Variants in SERINC5 observed in about 807,000 individuals in gnomAD.
The protein encoded by SERINC5 is chromosome 5 open reading frame 12.
SERINC5 carries 41 observed loss-of-function variants against 63.1 expected under a neutral mutation model. That is an observed-to-expected ratio of 0.65 (90% CI 0.51 to 0.84). SERINC5 has a LOEUF of 0.84. Ranked by LOEUF, SERINC5 falls within the 40% of genes least tolerant of loss-of-function variation. SERINC5 has a pLI of 0.00. For synonymous variants in SERINC5, 222 were observed against 215.2 expected (o/e 1.03, Z -0.28); for missense variants, 523 against 573.0 (o/e 0.91, Z 0.89).
chr5:80,120,743 A>G (rs780382877), intron 11 of SERINC5, among the ~76,000 whole-genome samples: 4 of 152,094 alleles, frequency 2.6e-5, no homozygotes, highest in Non-Finnish European at 4.4e-5. Context: ...TGAACCCAGG[A>G]GGCAGAGGTT....
chr5:80,184,305 T>C (rs1260410827), intron 2 of SERINC5, among the ~76,000 whole-genome samples: 1 of 152,142 alleles, frequency 6.6e-6, no homozygotes, highest in African/African-American at 2.4e-5. Flanking sequence ...CCATAACACA[T>C]GCACATTAGC....
intron 9 of SERINC5, among the ~76,000 whole-genome samples, chr5:80,148,036 G>A (rs973646004): frequency 3.3e-5 from 5 of 152,036 alleles, no homozygotes; most frequent in African/African-American, 7.2e-5. Context: ...GGAGCTTGGC[G>A]AAGCTGGTAG....
Position 80,177,973 on chromosome 5 carries a change from A to C in SERINC5, c.287T>G (p.Phe96Cys). 6.2e-7 allele frequency: 1 copy of C among 1,612,832 alleles called. No individual in the cohort carries two copies. Among genetic ancestry groups the C allele is most frequent in the South Asian group, 1.1e-5 (1 of 90,768 alleles). The change falls in exon 3 of 12, where the codon TTT becomes TGT. Residue 96 changes from phenylalanine to cysteine, a missense_variant. By Grantham distance (205) the Phe-to-Cys change is radical. Transcript: ENST00000507668. The part of the protein sequence containing the change: ...VGYSAVYRVC[F>C]GMACFFFIFC... ...GATAAAGAAGAAACAAGCCATTCCA[A>C]AACAGACTCTATACACGGCAGAATA...
intron 7 of SERINC5, among the ~76,000 whole-genome samples, chr5:80,162,182 G>C (rs1199254650): frequency 6.6e-6 from 1 of 151,892 alleles, no homozygotes; most frequent in Non-Finnish European, 1.5e-5. Flanking sequence ...TTTTTGCTTA[G>C]GATTGCTTTA....
At chr5:80,177,814 G>T in intron 3 of SERINC5, 72 bp downstream of exon 3, 3 of 1,198,170 alleles carry the variant, frequency 2.5e-6, no homozygotes, top group Non-Finnish European at 3.5e-6. Context: ...CTGGTGGGCA[G>T]ATGGGATCCT....
intron 1 of SERINC5, among the ~76,000 whole-genome samples, chr5:80,211,587 T>C (rs1256331784): frequency 2.0e-4 from 31 of 152,212 alleles, no homozygotes; most frequent in Non-Finnish European, 4.4e-5. Flanking sequence ...GTCTATAAAC[T>C]GCGGGCTGAA....
At chr5:80,179,386 A>G (rs569024534) in intron 2 of SERINC5, among the ~76,000 whole-genome samples, 2 of 152,340 alleles carry the variant, frequency 1.3e-5, no homozygotes, top group Non-Finnish European at 1.5e-5. Context: ...TTTCATCACT[A>G]TCTTATACTG....
intron 11 of SERINC5, among the ~76,000 whole-genome samples, chr5:80,125,909 T>C (rs1744731049): frequency 6.6e-6 from 1 of 152,170 alleles, no homozygotes; most frequent in African/African-American, 2.4e-5. Context: ...ATTAATTCTA[T>C]TGCCATCTAT....
Position 80,166,407 on chromosome 5 carries a change from G to C in SERINC5, c.835C>G (p.Leu279Val), listed in dbSNP as rs1344514407. The C allele has an allele frequency of 5.7e-6, 9 of 1,591,940 alleles. No individual in the cohort carries two copies. The highest frequency in any genetic ancestry group is 7.7e-6 in the Non-Finnish European group (9 of 1,169,156). The stretch of plus-strand genomic sequence containing the variant: ...CCTACTTCTGCAGGTTTGCTGGACA[G>C]AGCTGAGAAGGTGAGGTAGGTGACA... ...CYVTYLTFSA[L>V]SSKPAEVVLD... is the part of the protein sequence containing the mutation. The change falls in exon 7 of 12, where the codon CTG becomes GTG. Residue 279 changes from leucine (L) to valine (V), a missense_variant. Leu to Val is a conservative substitution (Grantham distance 32). Transcript: ENST00000507668.
At chr5:80,235,015 G>A (rs1751621388) in intron 1 of SERINC5, among the ~76,000 whole-genome samples, 1 of 151,938 alleles carries the variant, frequency 6.6e-6, no homozygotes, top group Admixed American at 6.6e-5. Context: ...TCATATTGTT[G>A]TCCAACAGAT....
intron 1 of SERINC5, among the ~76,000 whole-genome samples, chr5:80,247,550 C>T (rs72776292): frequency 0.02 from 3,105 of 152,220 alleles, 60 homozygotes; most frequent in Non-Finnish European, 0.027. Flanking sequence ...ACAGAGCTGC[C>T]CAAGAAAACA....
chr5:80,122,196 A>AGT (rs1744568872), intron 11 of SERINC5, among the ~76,000 whole-genome samples: 3 of 68,492 alleles, frequency 4.4e-5, no homozygotes, highest in African/African-American at 1.4e-4. Context: ...CAGAACTAAT[A>AGT]GTATATATAT....
At chr5:80,250,498 C>T (rs754800972) in intron 1 of SERINC5, among the ~76,000 whole-genome samples, 9 of 152,174 alleles carry the variant, frequency 5.9e-5, no homozygotes, top group Non-Finnish European at 1.3e-4. Context: ...TATGCCATCA[C>T]GCCCAGTTAA....
intron 1 of SERINC5, among the ~76,000 whole-genome samples, chr5:80,203,894 A>G (rs1750014986): frequency 6.6e-6 from 1 of 152,214 alleles, no homozygotes. Context: ...TTTCAGGAGC[A>G]CACACCTGGG....
chr5:80,223,426 A>G (rs1192178136), intron 1 of SERINC5, among the ~76,000 whole-genome samples: 3 of 151,982 alleles, frequency 2.0e-5, no homozygotes, highest in African/African-American at 2.4e-5. Flanking sequence ...TATTATTTTT[A>G]TTGTTTTGTT....
chr5:80,175,607 G>A (rs957163629), intron 4 of SERINC5, among the ~76,000 whole-genome samples: 10 of 152,032 alleles, frequency 6.6e-5, no homozygotes, highest in Non-Finnish European at 1.5e-4. Context: ...AGTGGCTCAT[G>A]CCTGCAATCC....
At chr5:80,201,528 C>T (rs1393216377) in intron 2 of SERINC5, among the ~76,000 whole-genome samples, 1 of 152,212 alleles carries the variant, frequency 6.6e-6, no homozygotes, top group Non-Finnish European at 1.5e-5. Context: ...CAGAGCCTCA[C>T]ATCAGTTTTA....
chr5:80,222,389 C>T (rs924770040), intron 1 of SERINC5, among the ~76,000 whole-genome samples: 16 of 152,172 alleles, frequency 1.1e-4, no homozygotes, highest in Admixed American at 2.0e-4. Flanking sequence ...CACATCATCA[C>T]GGACAAGTTA....
chr5:80,131,859 G>A (rs954069563), intron 11 of SERINC5, among the ~76,000 whole-genome samples: 6 of 152,014 alleles, frequency 3.9e-5, no homozygotes, highest in East Asian at 3.9e-4. Flanking sequence ...CAATCCTGAC[G>A]AACAGAATCT....
Sources: gnomAD v4.1 joint callset for allele counts (sites outside exome capture counted in the v4.1 genomes callset) on GRCh38, gnomAD v4.1.1 for gene constraint, MANE v1.5 for transcripts, NCBI Gene and HGNC (gene_info 2026-07-23, HGNC 2026-07-21) for gene names.